The following NECAB2 variants were observed in gnomAD, a reference collection of about 807,000 sequenced individuals.
NECAB2 encodes the protein N-terminal EF-hand calcium-binding protein 2.
A neutral mutation model predicts 51.9 loss-of-function variants in NECAB2; 68 were observed. That is an observed-to-expected ratio of 1.31 (90% CI 1.08 to 1.60). The LOEUF is 1.60. NECAB2 is among the 40% of genes most tolerant of loss of function. The pLI is 0.00. For missense variants in NECAB2, 854 were observed against 490.3 expected (o/e 1.74, Z -7.00); for synonymous variants, 329 against 203.5 (o/e 1.62, Z -5.25).
upstream of NECAB2, chr16:83,965,570 C>G: frequency 6.2e-7 from 1 of 1,612,972 alleles, no homozygotes; most frequent in Non-Finnish European, 8.5e-7. Flanking sequence ...GCCCAAGATG[C>G]TGTACCCCGA....
chr16:83,972,195 C>T lies in NECAB2; in HGVS notation c.226+20C>T, dbSNP rs771125729. The T allele has an allele frequency of 1.2e-6, 2 of 1,613,526 alleles. No individual in the cohort carries two copies. Among genetic ancestry groups the T allele is most frequent in the South Asian group, 1.1e-5 (1 of 91,086 alleles). On this transcript the variant is annotated intron_variant, in intron 2 of 12. Coordinates refer to ENST00000305202, the MANE Select transcript of NECAB2 (RefSeq NM_019065.3). ...AAAATGGTGAGTTTCCCTTCCAGGC[C>T]GACGGCCGCCCCACTCCTTCTGTCC... is the stretch of plus-strand genomic sequence containing the variant.
At chr16:83,992,387 C>CCA (rs34859285) in intron 6 of NECAB2, among the ~76,000 whole-genome samples, 4 of 144,290 alleles carry the variant, frequency 2.8e-5, no homozygotes, top group African/African-American at 1.1e-4. Context: ...TCCCCCCGCC[C>CCA]ACCTCCATTT....
Position 83,968,818 on chromosome 16 carries a change from C to G in NECAB2, c.170C>G (p.Ser57Trp). 3.5e-6 allele frequency: 4 copies of G among 1,127,036 alleles called. No homozygotes were observed. The highest frequency in any genetic ancestry group is 4.3e-6 in the Non-Finnish European group (4 of 922,236). 69.8% of individuals were successfully genotyped at this position (1,127,036 alleles called of 1,614,324 possible). ...GCCCCCGCGGACCCCGGCCCAGCCT[C>G]GCCGCGCGGGGGCACCGCCGTCATC... ...PAAPADPGPASPRGGTAVILD... is the reference protein window; with the variant it reads ...PAAPADPGPAWPRGGTAVILD... The change falls in exon 1 of 13, where the codon TCG becomes TGG. Residue 57 changes from serine (S) to tryptophan (W), a missense_variant. Transcript: ENST00000305202.
Position 83,994,414 on chromosome 16 carries a change from C to A in NECAB2, c.709C>A (p.Pro237Thr). ...GGCTATGGAACAAGGCAAGACCCTT[C>A]CATCTGGTGAGAGAAAGCGGGGGCC... The part of the protein sequence containing the change: ...LMAMEQGKTL[P>T]SATEDAKEEG... Residue 237 changes from proline to threonine, a missense_variant, in exon 7 of 13, where the codon CCA becomes ACA. Physicochemically the swap from Pro to Thr is conservative, Grantham distance 38 (BLOSUM62 -1). Coordinates refer to ENST00000305202, the MANE Select transcript of NECAB2 (RefSeq NM_019065.3). The A allele has an allele frequency of 6.2e-7, 1 of 1,614,086 alleles. No individual in the cohort carries two copies. The highest frequency in any genetic ancestry group is 1.1e-5 in the South Asian group (1 of 91,080).
Position 83,994,885 on chromosome 16 carries a change from C to T in NECAB2, c.795+197C>T, listed in dbSNP as rs1308305349. Among the ~76,000 whole-genome samples, 4 of 152,090 alleles carry T rather than the reference C, an allele frequency of 2.6e-5. No individual in the cohort carries two copies. In the East Asian group the frequency reaches 7.7e-4, roughly 29 times the overall value. On this transcript the variant is annotated intron_variant, in intron 8 of 12. Coordinates refer to ENST00000305202, the MANE Select transcript of NECAB2 (RefSeq NM_019065.3). The stretch of plus-strand genomic sequence containing the variant: ...CCGGGGGATGCTCGTGTTGTTCAGG[C>T]CCAAGGAGGGGCGCCTGGGAAGAGA...
chr16:83,996,203 C>T (rs946677988), intron 8 of NECAB2, among the ~76,000 whole-genome samples: 3 of 152,196 alleles, frequency 2.0e-5, no homozygotes, highest in South Asian at 2.1e-4. Context: ...CCTCATCCTC[C>T]TATGGCTTTT....
chr16:83,992,664 G>A lies in NECAB2; in HGVS notation c.597-1638G>A, dbSNP rs139685111. 3.7e-3 allele frequency among the ~76,000 whole-genome samples: 565 copies of A among 152,250 alleles called. 3 individuals are homozygous for A. Among genetic ancestry groups the A allele is most frequent in the African/African-American group, 0.013 (548 of 41,542 alleles). ...CAGACATGATTGTGAAGGTAACTCT[G>A]AGACACTGTTTCCCAAATGAGTTTG... On this transcript the variant is annotated intron_variant, in intron 6 of 12. Transcript: ENST00000305202.
In NECAB2 at chr16:83,980,569, C is replaced by T. The variant is rs531157993; in HGVS notation, c.336-270C>T. ...CCCTTTCCTGGCCCCCAGCTTGGCC[C>T]TCCCCTTGGTGTCATTTATTCATGA... is the stretch of plus-strand genomic sequence containing the variant. On this transcript the variant is annotated intron_variant, in intron 3 of 12. Transcript: ENST00000305202. Among the ~76,000 whole-genome samples the T allele has an allele frequency of 1.4e-4, 21 of 152,248 alleles. 1 individual carries two copies. The South Asian group carries it at 4.4e-3, about 32-fold the overall frequency.
At position 83,998,279 on chromosome 16, in the gene NECAB2, G is replaced by GT; in HGVS notation, c.925dup (p.Tyr309LeufsTer29). On this transcript the variant is annotated frameshift_variant, in exon 10 of 13. Transcript: ENST00000305202. LOFTEE classifies it high-confidence loss of function. ...GCGAGTTTCTGGACTCTCTGCGCCA[G>GT]TATCTGCGGGGGACCACTGGCGTGA... The GT allele has an allele frequency of 6.2e-7, 1 of 1,613,508 alleles. No homozygotes were observed. The highest frequency in any genetic ancestry group is 8.5e-7 in the Non-Finnish European group (1 of 1,180,022).
intron 12 of NECAB2, among the ~76,000 whole-genome samples, 192 bp downstream of exon 12, chr16:84,002,108 C>T (rs2084848592): frequency 6.6e-6 from 1 of 152,170 alleles, no homozygotes; most frequent in East Asian, 1.9e-4. Context: ...AGAGCTTGCA[C>T]CAGAGCACCC....
chr16:83,978,919 C>T (rs2084450688), intron 3 of NECAB2, among the ~76,000 whole-genome samples: 1 of 152,134 alleles, frequency 6.6e-6, no homozygotes. Flanking sequence ...TCCTCCCAGT[C>T]CCAACATTAA....
intron 1 of NECAB2, among the ~76,000 whole-genome samples, chr16:83,969,090 C>G (rs1379478313): frequency 1.3e-5 from 2 of 151,628 alleles, no homozygotes; most frequent in Non-Finnish European, 2.9e-5. Context: ...ACCGGCGCTT[C>G]TCGGAGTCCC....
chr16:83,978,666 C>A, intron 3 of NECAB2, 114 bp downstream of exon 3: 2 of 880,656 alleles, frequency 2.3e-6, no homozygotes, highest in Non-Finnish European at 1.8e-6. Flanking sequence ...ACTGAAAATC[C>A]CCAAATTTGC....
chr16:83,971,091 C>A (rs376810601), intron 1 of NECAB2, among the ~76,000 whole-genome samples: 1 of 134,448 alleles, frequency 7.4e-6, no homozygotes, highest in African/African-American at 3.7e-5. Context: ...GAGACCCCAT[C>A]TCAAAAAAAA....
chr16:83,965,637 A>T (rs1015014267), upstream of NECAB2: 4 of 1,613,256 alleles, frequency 2.5e-6, no homozygotes, highest in African/African-American at 1.3e-5. Flanking sequence ...CCCAGCCCCT[A>T]TGAGGGTTAC....
upstream of NECAB2, among the ~76,000 whole-genome samples, chr16:83,966,965 G>C (rs951281460): frequency 1.3e-5 from 2 of 152,000 alleles, no homozygotes; most frequent in African/African-American, 2.4e-5. Flanking sequence ...CTCTGCTTCT[G>C]GGTTGAAATG....
chr16:83,995,604 C>G (rs565304238), intron 8 of NECAB2, among the ~76,000 whole-genome samples: 7 of 152,324 alleles, frequency 4.6e-5, no homozygotes, highest in African/African-American at 1.4e-4. Flanking sequence ...ACTGAGCTCT[C>G]AGAACCCTGG....
At chr16:84,000,583 C>G (rs901220780) in intron 10 of NECAB2, 141 bp from the exon 11 acceptor site, 2 of 626,958 alleles carry the variant, frequency 3.2e-6, no homozygotes, top group East Asian at 2.7e-5. Context: ...CCTGTCGAGT[C>G]TCGATGGAGG....
At chr16:83,982,114 G>C (rs1323053555) in intron 5 of NECAB2, among the ~76,000 whole-genome samples, 1 of 152,188 alleles carries the variant, frequency 6.6e-6, no homozygotes, top group East Asian at 1.9e-4. Flanking sequence ...ACCAAGCTCG[G>C]AGCAAAGGCA....
Sources: allele counts gnomAD v4.1 joint callset (sites outside exome capture counted in the v4.1 genomes callset), GRCh38; gene constraint gnomAD v4.1.1; transcripts MANE v1.5; gene names NCBI Gene and HGNC (gene_info 2026-07-23, HGNC 2026-07-21).